Variants in RPH3AL observed in about 807,000 individuals in gnomAD.
The protein encoded by RPH3AL is rabphilin 3A like (without C2 domains), also known as rab effector Noc2.
In RPH3AL, 38 loss-of-function variants were observed where a neutral mutation model predicts 43.1. The observed-to-expected ratio is 0.88, with a 90% CI of 0.68 to 1.15. RPH3AL has a LOEUF of 1.15. RPH3AL is among the 50% of genes most tolerant of loss of function. The pLI is 0.00. For synonymous variants in RPH3AL, 189 were observed against 176.3 expected, an observed-to-expected ratio of 1.07 and a Z score of -0.57; for missense variants, 462 against 423.2, an observed-to-expected ratio of 1.09 and a Z score of -0.81.
At chr17:234,995 G>A (rs895264988) in intron 7 of RPH3AL, among the ~76,000 whole-genome samples, 1 of 152,214 alleles carries the variant, frequency 6.6e-6, no homozygotes, top group African/African-American at 2.4e-5. Flanking sequence ...CATGCCACGT[G>A]AAGAAGTCAG....
intron 7 of RPH3AL, among the ~76,000 whole-genome samples, chr17:238,839 G>A (rs543296051): frequency 9.2e-5 from 14 of 152,280 alleles, no homozygotes; most frequent in East Asian, 1.9e-4. Flanking sequence ...GTTACACCCC[G>A]GGGCCCACAG....
At position 344,845 on chromosome 17, in the gene RPH3AL, G is replaced by A. The variant is rs1328823537; in HGVS notation, c.-213+7867C>T. Among the ~76,000 whole-genome samples the A allele has an allele frequency of 5.9e-5, 8 of 135,892 alleles. 1 individual carries two copies. Among genetic ancestry groups the A allele is most frequent in the Admixed American group, 4.3e-4 (6 of 14,060 alleles). 89.2% of individuals were successfully genotyped at this position (135,892 alleles called of 152,430 possible). ...ACTATTCTCATCATCATCCTCTTCT[G>A]TATTGGGGGAAATGCCCAGAGGGGC... On this transcript the variant is annotated intron_variant, in intron 1 of 9. Transcript: ENST00000331302.
intron 5 of RPH3AL, among the ~76,000 whole-genome samples, chr17:288,915 A>C (rs1455359516): frequency 1.0e-5 from 1 of 95,302 alleles, no homozygotes; most frequent in Non-Finnish European, 2.2e-5. Context: ...GTCAGACCTC[A>C]CTCCCTCTCT....
chr17:285,178 G>A (rs73278945), intron 5 of RPH3AL, among the ~76,000 whole-genome samples: 4,220 of 152,024 alleles, frequency 0.028, 169 homozygotes, highest in African/African-American at 0.097. Context: ...CAGCCCTGGA[G>A]TCGTCTAGAG....
chr17:227,522 C>T (rs946173921), intron 7 of RPH3AL, among the ~76,000 whole-genome samples: 23 of 152,232 alleles, frequency 1.5e-4, no homozygotes, highest in Non-Finnish European at 2.5e-4. Context: ...CCACCTGTCT[C>T]TGTGGCCCCA....
chr17:282,697 A>G (rs1314406563), intron 5 of RPH3AL, among the ~76,000 whole-genome samples: 2 of 152,248 alleles, frequency 1.3e-5, no homozygotes, highest in African/African-American at 4.8e-5. Flanking sequence ...TTGTGCAAAC[A>G]GCACATAGAG....
chr17:250,221 G>GCCA (rs2041863175), intron 6 of RPH3AL, among the ~76,000 whole-genome samples: 1 of 139,900 alleles, frequency 7.1e-6, no homozygotes, highest in African/African-American at 2.7e-5. Flanking sequence ...CCTAAGCTCT[G>GCCA]TCGCTGCGGG....
intron 5 of RPH3AL, among the ~76,000 whole-genome samples, chr17:305,183 G>A (rs113479439): frequency 4.0e-5 from 6 of 151,592 alleles, no homozygotes; most frequent in African/African-American, 9.7e-5. Context: ...ACCACCAGGC[G>A]CACAGCCCAG....
chr17:302,060 C>T (rs149293899), intron 5 of RPH3AL, among the ~76,000 whole-genome samples: 135 of 152,358 alleles, frequency 8.9e-4, no homozygotes, highest in African/African-American at 2.7e-3. Context: ...GGGCGGCAAA[C>T]CTGCCACAGC....
chr17:319,199 A>G (rs958831244), intron 5 of RPH3AL, among the ~76,000 whole-genome samples: 8 of 152,194 alleles, frequency 5.3e-5, no homozygotes, highest in Non-Finnish European at 1.2e-4. Context: ...GTGTGAATCT[A>G]CCAGAAGGGC....
intron 3 of RPH3AL, among the ~76,000 whole-genome samples, chr17:325,107 C>T (rs2044588810): frequency 6.6e-6 from 1 of 151,818 alleles, no homozygotes; most frequent in East Asian, 1.9e-4. Flanking sequence ...GTGATCCGCC[C>T]GCCTCAGCCT....
At chr17:303,356 A>T (rs1452843013) in intron 5 of RPH3AL, among the ~76,000 whole-genome samples, 1 of 151,754 alleles carries the variant, frequency 6.6e-6, no homozygotes, top group East Asian at 1.9e-4. Context: ...ACACCGCTGC[A>T]CTCCAGCCGG....
intron 7 of RPH3AL, among the ~76,000 whole-genome samples, chr17:227,071 G>C (rs909825859): frequency 4.1e-4 from 63 of 152,178 alleles, no homozygotes; most frequent in African/African-American, 1.5e-3. Flanking sequence ...AGGCAGGGGT[G>C]GGGGAGAAGC....
At chr17:316,871 G>T (rs957459607) in intron 5 of RPH3AL, among the ~76,000 whole-genome samples, 1 of 131,030 alleles carries the variant, frequency 7.6e-6, no homozygotes, top group African/African-American at 3.0e-5. Context: ...TAGTCCCTGT[G>T]CTCCACCTCC....
At chr17:230,559 C>T (rs918891662) in intron 7 of RPH3AL, among the ~76,000 whole-genome samples, 3 of 152,204 alleles carry the variant, frequency 2.0e-5, no homozygotes, top group Non-Finnish European at 4.4e-5. Context: ...CAGTGGACTC[C>T]TCTGGGGCCA....
chr17:221,720 T>A (rs1317344674), intron 7 of RPH3AL, among the ~76,000 whole-genome samples: 14 of 130,260 alleles, frequency 1.1e-4, no homozygotes, highest in African/African-American at 4.0e-4. Context: ...GCACATCAGC[T>A]CTGAGGCCTC....
chr17:316,321 C>G (rs2044178359), intron 5 of RPH3AL, among the ~76,000 whole-genome samples: 2 of 147,712 alleles, frequency 1.4e-5, no homozygotes, highest in East Asian at 2.1e-4. Flanking sequence ...CCTGTAGTCC[C>G]TGTGCTCCAC....
In RPH3AL at chr17:314,475, C is replaced by G. The variant is rs1555518191; in HGVS notation, c.351+4945G>C. On this transcript the variant is annotated intron_variant, in intron 5 of 9. Transcript: ENST00000331302. ...TGACCTGTAGTCTCTATGCCCCCAC[C>G]TCCATTGACCTGTAGTCCCTATACT... Among the ~76,000 whole-genome samples, 41 of 138,564 alleles carry G rather than the reference C, an allele frequency of 3.0e-4. 1 individual carries two copies. Among genetic ancestry groups the G allele is most frequent in the Non-Finnish European group, 4.2e-4 (27 of 63,552 alleles). 90.9% of individuals were successfully genotyped at this position (138,564 alleles called of 152,430 possible).
In RPH3AL at chr17:247,353, A is replaced by G. The variant is rs55683653; in HGVS notation, c.439-68T>C. The G allele has an allele frequency of 2.3e-3, 3,388 of 1,442,786 alleles. 78 individuals carry two copies. The African/African-American group carries it at 0.042, about 18-fold the overall frequency. The allele number at this position is 1,442,786 out of a possible 1,614,324, so 89.4% of individuals were successfully genotyped here. The stretch of plus-strand genomic sequence containing the variant: ...GAGCCTCCCCTCCTGCTCCTTGCCC[A>G]GATGACGGGAGGCAGGACGCGGAGA... On this transcript the variant is annotated intron_variant, in intron 6 of 9. Transcript: ENST00000331302.
Sources: gnomAD v4.1 joint callset for allele counts (sites outside exome capture counted in the v4.1 genomes callset) on GRCh38, gnomAD v4.1.1 for gene constraint, MANE v1.5 for transcripts, NCBI Gene and HGNC (gene_info 2026-07-23, HGNC 2026-07-21) for gene names.